Variants in MECOM observed in about 807,000 individuals in gnomAD.
MECOM encodes the protein MDS1 and EVI1 complex locus.
In MECOM, 13 loss-of-function variants were observed where a neutral mutation model predicts 116.3. The ratio of observed to expected loss-of-function variants is 0.11; its 90% CI spans 0.07 to 0.18. MECOM has a LOEUF of 0.18. MECOM is among the 10% of genes least tolerant of loss of function. The pLI is 1.00. For synonymous variants in MECOM, 528 were observed against 535.2 expected (o/e 0.99, Z 0.19); for missense variants, 1,299 against 1,509.0 (o/e 0.86, Z 2.31).
At chr3:169,454,860 G>A (rs1033387486) in intron 1 of MECOM, among the ~76,000 whole-genome samples, 14 of 152,014 alleles carry the variant, frequency 9.2e-5, no homozygotes, top group South Asian at 2.1e-4. Context: ...AGCCTGACAC[G>A]CCTCATACAG....
intron 1 of MECOM, among the ~76,000 whole-genome samples, chr3:169,434,404 CA>C (rs1300261656): frequency 6.7e-6 from 1 of 149,444 alleles, no homozygotes; most frequent in African/African-American, 2.5e-5. Flanking sequence ...TGTAGATAAG[CA>C]CAGTGGAGAG....
At chr3:169,263,931 A>G (rs1041569698) in intron 2 of MECOM, among the ~76,000 whole-genome samples, 4 of 152,120 alleles carry the variant, frequency 2.6e-5, no homozygotes, top group Admixed American at 2.0e-4. Flanking sequence ...TGTATTCCAC[A>G]AGGAAAAAAA....
At chr3:169,105,385 T>G (rs774452986) in intron 10 of MECOM, among the ~76,000 whole-genome samples, 53 of 152,296 alleles carry the variant, frequency 3.5e-4, no homozygotes, top group Non-Finnish European at 5.4e-4. Flanking sequence ...TCTCTTGCTA[T>G]CTGGTCTGAG....
At chr3:169,202,161 T>C (rs1029289264) in intron 2 of MECOM, among the ~76,000 whole-genome samples, 2 of 152,156 alleles carry the variant, frequency 1.3e-5, no homozygotes, top group African/African-American at 4.8e-5. Flanking sequence ...TTCCTTTTTC[T>C]TGAAAACCAT....
intron 1 of MECOM, among the ~76,000 whole-genome samples, chr3:169,396,116 G>A (rs1416791554): frequency 6.6e-6 from 1 of 152,096 alleles, no homozygotes; most frequent in Admixed American, 6.6e-5. Flanking sequence ...TTACTGACCT[G>A]ATAGAATCAT....
intron 2 of MECOM, among the ~76,000 whole-genome samples, chr3:169,285,320 A>G (rs757031394): frequency 9.9e-5 from 15 of 152,104 alleles, no homozygotes; most frequent in Non-Finnish European, 1.8e-4. Flanking sequence ...ACACATGAAC[A>G]TTATTTCTCA....
chr3:169,096,583 T>C (rs1721567011), intron 12 of MECOM, among the ~76,000 whole-genome samples: 1 of 152,172 alleles, frequency 6.6e-6, no homozygotes, highest in Admixed American at 6.5e-5. Context: ...AAATGACTTA[T>C]AAATGAAAAC....
intron 1 of MECOM, among the ~76,000 whole-genome samples, chr3:169,640,520 C>T (rs974795328): frequency 6.6e-6 from 1 of 152,106 alleles, no homozygotes; most frequent in African/African-American, 2.4e-5. Flanking sequence ...CTGTGCTATT[C>T]TAATATTTTA....
intron 1 of MECOM, among the ~76,000 whole-genome samples, chr3:169,430,139 G>A (rs1741373266): frequency 6.6e-6 from 1 of 152,154 alleles, no homozygotes; most frequent in Non-Finnish European, 1.5e-5. Flanking sequence ...AAGGTAATTT[G>A]TTTTTCAATA....
chr3:169,619,709 A>T (rs918980693), intron 1 of MECOM, among the ~76,000 whole-genome samples: 1 of 152,188 alleles, frequency 6.6e-6, no homozygotes, highest in African/African-American at 2.4e-5. Context: ...TGACTACCAA[A>T]GAAATATCTG....
chr3:169,263,075 T>C (rs1433561321), intron 2 of MECOM, among the ~76,000 whole-genome samples: 2 of 84,462 alleles, frequency 2.4e-5, no homozygotes, highest in African/African-American at 8.4e-5. Flanking sequence ...TTTTTCAAGA[T>C]GCTATATATA....
chr3:169,424,828 T>C (rs990338873), intron 1 of MECOM, among the ~76,000 whole-genome samples: 1 of 152,180 alleles, frequency 6.6e-6, no homozygotes, highest in African/African-American at 2.4e-5. Flanking sequence ...GTTCTAACTA[T>C]CTGATTCATT....
intron 1 of MECOM, among the ~76,000 whole-genome samples, chr3:169,646,314 G>A (rs1372149708): frequency 1.5e-5 from 2 of 129,336 alleles, no homozygotes; most frequent in South Asian, 3.2e-4. Context: ...GTCATGGGGT[G>A]GGGGGAGGGG....
chr3:169,540,495 C>T (rs1467483871), intron 1 of MECOM, among the ~76,000 whole-genome samples: 1 of 152,188 alleles, frequency 6.6e-6, no homozygotes, highest in Non-Finnish European at 1.5e-5. Flanking sequence ...TCAATGTGGC[C>T]ATGTCATGGC....
chr3:169,097,242 C>T (rs1049624722), intron 12 of MECOM, among the ~76,000 whole-genome samples: 20 of 152,028 alleles, frequency 1.3e-4, no homozygotes, highest in Non-Finnish European at 2.9e-4. Context: ...AGGGTCTTTT[C>T]CAAATCTAGT....
chr3:169,088,882 G>T, intron 16 of MECOM, 118 bp downstream of exon 16: 1 of 906,062 alleles, frequency 1.1e-6, no homozygotes, highest in South Asian at 2.7e-5. Flanking sequence ...AAAGGCATCT[G>T]ACCCCATTTG....
At chr3:169,551,492 T>C (rs1761401858) in intron 1 of MECOM, among the ~76,000 whole-genome samples, 2 of 152,234 alleles carry the variant, frequency 1.3e-5, no homozygotes, top group Non-Finnish European at 2.9e-5. Flanking sequence ...AGACAAATAC[T>C]CTGAAGTGTT....
intron 1 of MECOM, among the ~76,000 whole-genome samples, chr3:169,524,421 C>T (rs561376126): frequency 5.9e-5 from 9 of 152,258 alleles, no homozygotes; most frequent in African/African-American, 2.2e-4. Context: ...AAGAGATTGG[C>T]TAGAAAGGGC....
At chr3:169,213,849 C>A (rs1043747343) in intron 2 of MECOM, among the ~76,000 whole-genome samples, 8 of 152,002 alleles carry the variant, frequency 5.3e-5, no homozygotes, top group Admixed American at 1.3e-4. Flanking sequence ...CAACTGAGAC[C>A]CTGACTTGAG....
Sources: gnomAD v4.1 joint callset for allele counts (sites outside exome capture counted in the v4.1 genomes callset) on GRCh38, gnomAD v4.1.1 for gene constraint, MANE v1.5 for transcripts, NCBI Gene and HGNC (gene_info 2026-07-23, HGNC 2026-07-21) for gene names.